RETREG1: variants seen among roughly 807,000 people sequenced by gnomAD.
RETREG1 encodes family with sequence similarity 134 member B.
A neutral mutation model predicts 54.8 loss-of-function variants in RETREG1; 44 were observed. The ratio of observed to expected loss-of-function variants is 0.80; its 90% CI spans 0.63 to 1.03. The LOEUF is 1.03. Among genes scored for constraint, RETREG1 ranks in the 50% least tolerant of loss-of-function variants. The pLI is 0.00. For missense variants in RETREG1, 554 were observed against 605.1 expected, an observed-to-expected ratio of 0.92 and a Z score of 0.89; for synonymous variants, 217 against 238.5, an observed-to-expected ratio of 0.91 and a Z score of 0.83.
chr5:16,492,229 T>A (rs10037021), intron 3 of RETREG1, among the ~76,000 whole-genome samples: 4,732 of 110,252 alleles, frequency 0.043, 75 homozygotes, highest in African/African-American at 0.052. Context: ...TCTCTCTCTC[T>A]CACACACACA....
At chr5:16,581,232 C>G (rs173972) in intron 1 of RETREG1, among the ~76,000 whole-genome samples, 21,709 of 152,120 alleles carry the variant, frequency 0.14, 1,547 homozygotes, top group Non-Finnish European at 0.16. Context: ...GGAGGCCAGT[C>G]GGAGGCAGGA....
chr5:16,575,828 C>T (rs1048365428), intron 1 of RETREG1, among the ~76,000 whole-genome samples: 2 of 152,188 alleles, frequency 1.3e-5, no homozygotes, highest in Non-Finnish European at 2.9e-5. Flanking sequence ...GTTTGAGAAA[C>T]GAAACCCTAA....
chr5:16,598,016 C>A (rs1464166906), intron 1 of RETREG1, among the ~76,000 whole-genome samples: 1 of 152,066 alleles, frequency 6.6e-6, no homozygotes, highest in Non-Finnish European at 1.5e-5. Context: ...CAGTTCCAGG[C>A]TCTTCACCGT....
intron 1 of RETREG1, among the ~76,000 whole-genome samples, chr5:16,615,399 C>CA (rs35626131): frequency 0.24 from 21,919 of 92,434 alleles, 2,301 homozygotes; most frequent in East Asian, 0.35. Flanking sequence ...GACTCCATCT[C>CA]AAAAAAAAAA....
rs1186163152 is a variant in RETREG1, at chr5:16,528,350, TA to T, written c.458+37412del. Among the ~76,000 whole-genome samples, 17 of 150,114 alleles carry T rather than the reference TA, an allele frequency of 1.1e-4. 1 individual carries two copies. In the South Asian group the frequency reaches 3.5e-3, roughly 31 times the overall value. On this transcript the variant is annotated intron_variant, in intron 3 of 8. Transcript: ENST00000306320. ...TTACAATTCACATGAGTAAAAAAAA[TA>T]TGACTCTTTAAATTTATATTCCTGG...
At chr5:16,538,235 A>T (rs572208607) in intron 3 of RETREG1, among the ~76,000 whole-genome samples, 3 of 152,236 alleles carry the variant, frequency 2.0e-5, no homozygotes, top group South Asian at 4.2e-4. Flanking sequence ...GGTCGACATC[A>T]GGGGGAAAAA....
At chr5:16,574,179 G>A (rs561811190) in intron 1 of RETREG1, among the ~76,000 whole-genome samples, 16 of 132,542 alleles carry the variant, frequency 1.2e-4, no homozygotes, top group Non-Finnish European at 1.8e-4. Flanking sequence ...TGAGGTACCT[G>A]TGGCACATCA....
intron 3 of RETREG1, among the ~76,000 whole-genome samples, chr5:16,531,076 TG>T (rs1740902993): frequency 1.3e-5 from 2 of 152,224 alleles, no homozygotes. Context: ...TCACTACTTC[TG>T]GCCAGTTCAT....
chr5:16,550,307 T>G (rs190387111), intron 3 of RETREG1, among the ~76,000 whole-genome samples: 11 of 152,238 alleles, frequency 7.2e-5, no homozygotes, highest in Admixed American at 1.3e-4. Context: ...GAAATATGAT[T>G]TAAATGTCAA....
At chr5:16,563,196 T>C (rs1321723743) in intron 3 of RETREG1, among the ~76,000 whole-genome samples, 1 of 152,158 alleles carries the variant, frequency 6.6e-6, no homozygotes, top group Non-Finnish European at 1.5e-5. Context: ...GAGCTTTAGT[T>C]AGCAGGAATC....
At chr5:16,536,760 T>C (rs530323296) in intron 3 of RETREG1, among the ~76,000 whole-genome samples, 14 of 152,320 alleles carry the variant, frequency 9.2e-5, no homozygotes, top group Admixed American at 4.6e-4. Flanking sequence ...AAGGTGTCAA[T>C]GGCGCCAAAG....
At chr5:16,554,278 C>T (rs1370936012) in intron 3 of RETREG1, among the ~76,000 whole-genome samples, 1 of 152,234 alleles carries the variant, frequency 6.6e-6, no homozygotes, top group African/African-American at 2.4e-5. Context: ...TCCGTTGAGC[C>T]TCGCTTGTTT....
rs200951949 is a variant in RETREG1 at position 16,474,669 on chromosome 5, C to CTTTTTTT, written c.*65_*71dup. On this transcript the variant is annotated 3_prime_UTR_variant, in exon 9 of 9. Coordinates refer to ENST00000306320, the MANE Select transcript of RETREG1 (RefSeq NM_001034850.3). ...CTTACAGTTCAATTTTTTTCTTTTC[C>CTTTTTTT]TTTTTTTTTTTTTTTTCTTGTTTGA... The CTTTTTTT allele has an allele frequency of 1.6e-6, 2 of 1,265,266 alleles. No homozygotes were observed. The highest frequency in any genetic ancestry group is 1.5e-5 in the South Asian group (1 of 67,780). 78.4% of individuals were successfully genotyped at this position (1,265,266 alleles called of 1,614,324 possible).
intron 1 of RETREG1, 121 bp downstream of exon 1, chr5:16,616,531 A>T (rs1242792290): frequency 1.4e-6 from 2 of 1,465,954 alleles, no homozygotes; most frequent in Non-Finnish European, 9.1e-7. Context: ...AAAGTGGGGC[A>T]GGGCTGACAA....
chr5:16,483,277 A>C (rs1457795284), intron 4 of RETREG1, 69 bp downstream of exon 4: 2 of 1,537,704 alleles, frequency 1.3e-6, no homozygotes, highest in South Asian at 1.1e-5. Context: ...AAGCTGATAA[A>C]ATAGGTTAGT....
rs371951770 is a variant in RETREG1 at position 16,567,684 on chromosome 5, C to A, written c.428-1891G>T. On this transcript the variant is annotated intron_variant, in intron 2 of 8. Transcript: ENST00000306320. ...CTTCAAGAGAGCTGGGGGGCAGGCACGCTGACTCACACCTGTAATTCCAGT... is the reference window on the plus strand; with the variant it reads ...CTTCAAGAGAGCTGGGGGGCAGGCAAGCTGACTCACACCTGTAATTCCAGT... 1.1e-3 allele frequency among the ~76,000 whole-genome samples: 170 copies of A among 152,192 alleles called. 1 individual carries two copies. The highest frequency in any genetic ancestry group is 3.8e-3 in the African/African-American group (159 of 41,542).
chr5:16,528,223 A>G (rs1347570822), intron 3 of RETREG1, among the ~76,000 whole-genome samples: 1 of 152,186 alleles, frequency 6.6e-6, no homozygotes. Context: ...TGGCATAAAG[A>G]GAAAGTAGGA....
At chr5:16,505,205 G>A (rs1397208987) in intron 3 of RETREG1, among the ~76,000 whole-genome samples, 3 of 152,100 alleles carry the variant, frequency 2.0e-5, no homozygotes, top group Admixed American at 6.6e-5. Flanking sequence ...CCAGTTGTAC[G>A]GACTCAGTGG....
At chr5:16,608,606 A>C (rs1743258681) in intron 1 of RETREG1, among the ~76,000 whole-genome samples, 1 of 152,102 alleles carries the variant, frequency 6.6e-6, no homozygotes, top group Non-Finnish European at 1.5e-5. Context: ...CGATTCACCA[A>C]ATCAGCTGTG....
Sources: gnomAD v4.1 joint callset for allele counts (sites outside exome capture counted in the v4.1 genomes callset) on GRCh38, gnomAD v4.1.1 for gene constraint, MANE v1.5 for transcripts, NCBI Gene and HGNC (gene_info 2026-07-23, HGNC 2026-07-21) for gene names.